Variants in ARHGAP24 observed in about 807,000 individuals in gnomAD.
The protein encoded by ARHGAP24 is rho GTPase-activating protein 24.
A neutral mutation model predicts 76.4 loss-of-function variants in ARHGAP24; 50 were observed. The observed-to-expected ratio is 0.65, with a 90% CI of 0.52 to 0.83. ARHGAP24 has a LOEUF of 0.83. ARHGAP24 is among the 40% of genes least tolerant of loss of function. The probability of loss-of-function intolerance (pLI) is 0.00; values close to 1 mark genes in which losing one functional copy is unlikely to be tolerated. For missense variants in ARHGAP24, 930 were observed against 914.2 expected (o/e 1.02, Z -0.22); for synonymous variants, 345 against 323.3 (o/e 1.07, Z -0.72).
chr4:85,644,896 T>A (rs1187661687), intron 2 of ARHGAP24, among the ~76,000 whole-genome samples: 1 of 152,102 alleles, frequency 6.6e-6, no homozygotes, highest in Admixed American at 6.6e-5. Flanking sequence ...CTGACAGATA[T>A]GTGCTTCTAA....
intron 3 of ARHGAP24, among the ~76,000 whole-genome samples, chr4:85,761,629 T>C (rs1726736601): frequency 6.6e-6 from 1 of 152,172 alleles, no homozygotes. Context: ...GTGATTCCAA[T>C]GTGTGGGTCA....
chr4:85,993,750 T>A (rs947034311), intron 8 of ARHGAP24, among the ~76,000 whole-genome samples: 1 of 152,204 alleles, frequency 6.6e-6, no homozygotes, highest in Non-Finnish European at 1.5e-5. Context: ...GTTTTCTTTG[T>A]GATTTTGGGC....
At chr4:85,628,584 T>C (rs928823615) in intron 2 of ARHGAP24, among the ~76,000 whole-genome samples, 1 of 152,244 alleles carries the variant, frequency 6.6e-6, no homozygotes. Context: ...CTGCCCATTA[T>C]TGGTAGTGGG....
In ARHGAP24 at chr4:85,874,867, TTTTA is replaced by T. The variant is rs1323667534; in HGVS notation, c.269-48779_269-48776del. ...TTATATAATTTATATATAAATATAT[TTTTA>T]TATAATTTATATATAAATATATTTT... is the stretch of plus-strand genomic sequence containing the variant. On this transcript the variant is annotated intron_variant, in intron 3 of 9. Transcript: ENST00000395184. 3.5e-4 allele frequency among the ~76,000 whole-genome samples: 17 copies of T among 48,296 alleles called. 1 individual carries two copies. Among genetic ancestry groups the T allele is most frequent in the Non-Finnish European group, 6.5e-4 (13 of 19,994 alleles). 31.7% of individuals were successfully genotyped at this position (48,296 alleles called of 152,430 possible). A position where few individuals can be genotyped will look rare whatever the true frequency, so the allele number is the denominator to read the frequency against.
At chr4:85,830,303 G>A (rs1729926061) in intron 3 of ARHGAP24, among the ~76,000 whole-genome samples, 2 of 152,192 alleles carry the variant, frequency 1.3e-5, no homozygotes, top group South Asian at 4.1e-4. Context: ...AGAGATTACT[G>A]CCCACTCTCT....
At chr4:85,856,490 A>C in intron 3 of ARHGAP24, among the ~76,000 whole-genome samples, 1 of 26,516 alleles carries the variant, frequency 3.8e-5, no homozygotes, top group African/African-American at 8.5e-5. Context: ...TTTTTTTTTG[A>C]GACAAAGTCT....
At chr4:85,649,744 C>T (rs1721864132) in intron 2 of ARHGAP24, among the ~76,000 whole-genome samples, 1 of 152,102 alleles carries the variant, frequency 6.6e-6, no homozygotes, top group African/African-American at 2.4e-5. Context: ...TTCATTCATT[C>T]ACATTCACTG....
At chr4:85,773,342 A>G (rs1219114335) in intron 3 of ARHGAP24, among the ~76,000 whole-genome samples, 4 of 152,178 alleles carry the variant, frequency 2.6e-5, no homozygotes, top group Admixed American at 6.5e-5. Context: ...TTCCTTGAGG[A>G]TAAAAACCAA....
chr4:85,613,626 A>T (rs892541223), intron 2 of ARHGAP24, among the ~76,000 whole-genome samples: 2 of 152,130 alleles, frequency 1.3e-5, no homozygotes, highest in African/African-American at 4.8e-5. Flanking sequence ...GAGTTTGTCC[A>T]TTTTTTGGGG....
intron 3 of ARHGAP24, among the ~76,000 whole-genome samples, chr4:85,888,840 T>C (rs1481196521): frequency 6.6e-6 from 1 of 152,128 alleles, no homozygotes; most frequent in Non-Finnish European, 1.5e-5. Flanking sequence ...GTGTTCTCAT[T>C]ATTTAGCTCC....
At chr4:85,599,903 G>T (rs943776349) in intron 2 of ARHGAP24, among the ~76,000 whole-genome samples, 3 of 152,034 alleles carry the variant, frequency 2.0e-5, no homozygotes, top group African/African-American at 7.2e-5. Flanking sequence ...CCCTAAATGT[G>T]TGCTAAATAA....
chr4:85,663,280 A>G (rs1052346205), intron 2 of ARHGAP24, among the ~76,000 whole-genome samples: 1 of 140,466 alleles, frequency 7.1e-6, no homozygotes, highest in Admixed American at 7.2e-5. Flanking sequence ...CTTTGAAGCA[A>G]TTGTGAATGG....
chr4:85,795,048 G>T lies in ARHGAP24; in HGVS notation c.268+73076G>T, dbSNP rs148298925. ...TCAGCAAAGATCCTTTTCGGAATTCGTAGATAATCTCCAGTGCCAAGGAAG... is the reference window on the plus strand; with the variant it reads ...TCAGCAAAGATCCTTTTCGGAATTCTTAGATAATCTCCAGTGCCAAGGAAG... On this transcript the variant is annotated intron_variant, in intron 3 of 9. Transcript: ENST00000395184. 2.9e-3 allele frequency among the ~76,000 whole-genome samples: 449 copies of T among 152,288 alleles called. 1 individual carries two copies. The highest frequency in any genetic ancestry group is 0.01 in the African/African-American group (436 of 41,552).
chr4:85,749,944 C>T (rs909580113), intron 3 of ARHGAP24, among the ~76,000 whole-genome samples: 1 of 152,022 alleles, frequency 6.6e-6, no homozygotes, highest in Non-Finnish European at 1.5e-5. Context: ...TCTCTGTGGT[C>T]TCAGCAGCAG....
intron 2 of ARHGAP24, among the ~76,000 whole-genome samples, chr4:85,705,845 T>C (rs1387190582): frequency 6.6e-6 from 1 of 152,204 alleles, no homozygotes; most frequent in Non-Finnish European, 1.5e-5. Context: ...GTAACAGTTA[T>C]AGTGACAAAT....
chr4:85,957,495 T>C (rs1737984229), intron 5 of ARHGAP24, among the ~76,000 whole-genome samples: 1 of 152,198 alleles, frequency 6.6e-6, no homozygotes, highest in Admixed American at 6.5e-5. Flanking sequence ...TGCCTCTTTT[T>C]CCCAACTGAT....
At chr4:85,500,881 C>A (rs548003330) in intron 1 of ARHGAP24, among the ~76,000 whole-genome samples, 10 of 151,902 alleles carry the variant, frequency 6.6e-5, no homozygotes, top group South Asian at 4.2e-4. Context: ...CCCACCCCCC[C>A]ACCAACAGGC....
intron 3 of ARHGAP24, among the ~76,000 whole-genome samples, chr4:85,898,702 A>G (rs962247935): frequency 1.4e-4 from 21 of 152,178 alleles, no homozygotes; most frequent in African/African-American, 4.6e-4. Flanking sequence ...CAAATCAGTT[A>G]TTGATTCCAA....
At chr4:85,570,845 C>CT (rs1727111204) in intron 2 of ARHGAP24, 124 bp downstream of exon 2, 14 of 1,126,286 alleles carry the variant, frequency 1.2e-5, no homozygotes, top group Non-Finnish European at 1.8e-5. Flanking sequence ...TCATTGTCAT[C>CT]TTTCACCCTT....
Sources: gnomAD v4.1 joint callset for allele counts (sites outside exome capture counted in the v4.1 genomes callset) on GRCh38, gnomAD v4.1.1 for gene constraint, MANE v1.5 for transcripts, NCBI Gene and HGNC (gene_info 2026-07-23, HGNC 2026-07-21) for gene names.